ABCB11: variants seen among roughly 807,000 people sequenced by gnomAD.
ABCB11 encodes the protein ATP binding cassette subfamily B member 11.
A neutral mutation model predicts 148.0 loss-of-function variants in ABCB11; 95 were observed. That is an observed-to-expected ratio of 0.64 (90% confidence interval 0.54 to 0.76). The LOEUF is 0.76. Among genes scored for constraint, ABCB11 ranks in the 30% least tolerant of loss-of-function variants. The pLI is 0.00. For synonymous variants in ABCB11, 591 were observed against 555.4 expected (o/e 1.06, Z -0.90); for missense variants, 1,523 against 1,617.8 (o/e 0.94, Z 1.01).
chr2:168,964,323 A>G lies in ABCB11; in HGVS notation c.2076-15T>C. 1 of 1,549,188 alleles carries G rather than the reference A, an allele frequency of 6.5e-7. No homozygotes were observed. Among genetic ancestry groups the G allele is most frequent in the Non-Finnish European group, 8.7e-7 (1 of 1,143,252 alleles). Reference sequence around the variant, plus strand: ...GGATGGAAGCCCTGTAAATAAACAGAAAGATGAAACAGTGTAGACTGTGGC... The same window carrying G: ...GGATGGAAGCCCTGTAAATAAACAGGAAGATGAAACAGTGTAGACTGTGGC... On this transcript the variant is annotated splice_polypyrimidine_tract_variant and intron_variant, in intron 17 of 27. Coordinates refer to ENST00000650372, the MANE Select transcript of ABCB11 (RefSeq NM_003742.4).
intron 26 of ABCB11, among the ~76,000 whole-genome samples, chr2:168,926,108 A>T (rs1691295576): frequency 6.6e-6 from 1 of 152,212 alleles, no homozygotes; most frequent in Non-Finnish European, 1.5e-5. Flanking sequence ...TTTCCCAGGG[A>T]TATTTTTAAA....
At chr2:168,917,191 G>T (rs1392243529), downstream of ABCB11, among the ~76,000 whole-genome samples, 1 of 93,248 alleles carries the variant, frequency 1.1e-5, no homozygotes, top group African/African-American at 5.0e-5. Flanking sequence ...ATATAAAAAA[G>T]AGTTTTTGGA....
chr2:168,936,327 C>T lies in ABCB11; in HGVS notation c.2717G>A (p.Cys906Tyr), dbSNP rs1691825719. 2 of 1,613,926 alleles carry T rather than the reference C, an allele frequency of 1.2e-6. No homozygotes were observed. The highest frequency in any genetic ancestry group is 1.1e-5 in the South Asian group (1 of 91,074). ...TGATAAAGCCAAGAAGGGGAAGAAG[C>T]ACAAGATGACCAGGCTCAGCTTCCA... ...FSWKLSLVIL[C>Y]FFPFLALSGA... The change falls in exon 22 of 28, where the codon TGC (cysteine) becomes TAC (tyrosine). Residue 906 changes from cysteine to tyrosine, a missense_variant. Physicochemically the swap from Cys to Tyr is radical, Grantham distance 194. Coordinates refer to ENST00000650372, the MANE Select transcript of ABCB11 (RefSeq NM_003742.4).
At chr2:168,936,145 A>G in intron 22 of ABCB11, 85 bp downstream of exon 22, 1 of 1,309,188 alleles carries the variant, frequency 7.6e-7, no homozygotes, top group East Asian at 2.4e-5. Flanking sequence ...AGCTTCCTTC[A>G]GTCTCTTCGT....
intron 7 of ABCB11, among the ~76,000 whole-genome samples, chr2:168,994,852 T>C (rs1167550300): frequency 6.6e-6 from 1 of 152,080 alleles, no homozygotes; most frequent in Non-Finnish European, 1.5e-5. Flanking sequence ...GTTAGATAAC[T>C]GCTCAAGGTC....
At chr2:168,969,933 C>T (rs1215805849) in intron 15 of ABCB11, 112 bp downstream of exon 15, 5 of 1,044,988 alleles carry the variant, frequency 4.8e-6, no homozygotes, top group Non-Finnish European at 5.9e-6. Context: ...ATGCATGAAC[C>T]CATGTAGTAT....
chr2:168,981,183 C>G (rs572442047), intron 10 of ABCB11, among the ~76,000 whole-genome samples: 5 of 152,238 alleles, frequency 3.3e-5, no homozygotes, highest in African/African-American at 1.2e-4. Context: ...GTGTCTGAAC[C>G]ATGGAAAGTG....
rs777767911 is a variant in ABCB11 at position 168,934,295 on chromosome 2, C to T, written c.3056+889G>A. ...CTGAAAGAGATACCAGGTGAGAAGG[C>T]GGGACTCATGGCTAGAGAAGGAAAC... On this transcript the variant is annotated intron_variant, in intron 23 of 27. Transcript: ENST00000650372. 1.2e-3 allele frequency among the ~76,000 whole-genome samples: 182 copies of T among 152,024 alleles called. 1 individual carries two copies. The highest frequency in any genetic ancestry group is 2.0e-3 in the Non-Finnish European group (135 of 67,978).
chr2:168,986,320 A>G (rs768724649), intron 9 of ABCB11, 36 bp from the exon 10 acceptor site: 2 of 1,563,056 alleles, frequency 1.3e-6, no homozygotes, highest in South Asian at 2.2e-5. Flanking sequence ...ATTTCGGCAG[A>G]AACAGCTCAA....
chr2:168,918,572 T>C (rs148438228), downstream of ABCB11, among the ~76,000 whole-genome samples: 147 of 152,280 alleles, frequency 9.7e-4, no homozygotes, highest in African/African-American at 3.4e-3. Context: ...CTGCACAATA[T>C]AACATGGGCA....
At chr2:168,961,532 T>C (rs1485907316) in intron 18 of ABCB11, among the ~76,000 whole-genome samples, 1 of 151,746 alleles carries the variant, frequency 6.6e-6, no homozygotes, top group African/African-American at 2.4e-5. Context: ...TGATCCTGAC[T>C]TGATCTCATA....
At chr2:168,927,519 A>C (rs1691371666) in intron 25 of ABCB11, among the ~76,000 whole-genome samples, 157 bp from the exon 26 acceptor site, 1 of 152,194 alleles carries the variant, frequency 6.6e-6, no homozygotes, top group South Asian at 2.1e-4. Flanking sequence ...GTTGCCTTTG[A>C]CCTCTGGATG....
chr2:168,993,193 T>C (rs960252773), intron 8 of ABCB11, among the ~76,000 whole-genome samples: 4 of 152,038 alleles, frequency 2.6e-5, no homozygotes, highest in Non-Finnish European at 5.9e-5. Flanking sequence ...ATCCTTCTTG[T>C]GTGCTTGTTA....
At chr2:168,928,081 G>C (rs574482306) in intron 25 of ABCB11, among the ~76,000 whole-genome samples, 5 of 152,162 alleles carry the variant, frequency 3.3e-5, no homozygotes, top group Admixed American at 6.5e-5. Flanking sequence ...TAAAGTATTT[G>C]GCCCTATTAT....
intron 18 of ABCB11, 57 bp from the exon 19 acceptor site, chr2:168,958,185 C>A (rs573531815): frequency 6.5e-7 from 1 of 1,534,542 alleles, no homozygotes; most frequent in East Asian, 2.3e-5. Context: ...CATTTTGCAG[C>A]AGATCCTTTG....
At chr2:169,016,856 C>A in intron 2 of ABCB11, 57 bp from the exon 3 acceptor site, 1 of 1,345,288 alleles carries the variant, frequency 7.4e-7, no homozygotes, top group South Asian at 1.3e-5. Flanking sequence ...CAAAATGCAA[C>A]GCAGTCATTA....
rs1402076851 is a variant in ABCB11, at chr2:168,922,179, C to T, written c.*1443G>A. On this transcript the variant is annotated 3_prime_UTR_variant, in exon 28 of 28. Transcript: ENST00000650372. ...TCTTTTCTAAGATTGGCCAATTTCC[C>T]CAGAAAATCATTCTTCAATCTCCTG... Among the ~76,000 whole-genome samples the T allele has an allele frequency of 1.3e-5, 2 of 152,140 alleles. No individual in the cohort carries two copies. The highest frequency in any genetic ancestry group is 2.9e-5 in the Non-Finnish European group (2 of 68,014).
At chr2:168,960,592 A>T (rs188556751) in intron 18 of ABCB11, among the ~76,000 whole-genome samples, 1 of 151,734 alleles carries the variant, frequency 6.6e-6, no homozygotes, top group Non-Finnish European at 1.5e-5. Flanking sequence ...CACTAACAAG[A>T]AATACGAATT....
chr2:168,934,526 T>A (rs1691729928), intron 23 of ABCB11, among the ~76,000 whole-genome samples: 1 of 152,190 alleles, frequency 6.6e-6, no homozygotes, highest in Admixed American at 6.5e-5. Flanking sequence ...GCTATACGAA[T>A]GGAACATCCT....
Sources: allele counts gnomAD v4.1 joint callset (sites outside exome capture counted in the v4.1 genomes callset), GRCh38; gene constraint gnomAD v4.1.1; transcripts MANE v1.5; gene names NCBI Gene and HGNC (gene_info 2026-07-23, HGNC 2026-07-21).